GPC6: variants seen among roughly 807,000 people sequenced by gnomAD.
The protein encoded by GPC6 is glypican-6.
A neutral mutation model predicts 55.2 loss-of-function variants in GPC6; 14 were observed. The ratio of observed to expected loss-of-function variants is 0.25; its 90% CI spans 0.17 to 0.40. The LOEUF (loss-of-function observed/expected upper bound fraction) is 0.40. GPC6 is among the 10% of genes least tolerant of loss of function. The pLI is 1.00. For missense variants in GPC6, 641 were observed against 708.5 expected, an observed-to-expected ratio of 0.90 and a Z score of 1.08; for synonymous variants, 278 against 259.6, an observed-to-expected ratio of 1.07 and a Z score of -0.68.
intron 4 of GPC6, among the ~76,000 whole-genome samples, chr13:94,221,721 T>A (rs950278852): frequency 6.6e-6 from 1 of 152,100 alleles, no homozygotes; most frequent in Admixed American, 6.6e-5. Context: ...TCTCAGTTTA[T>A]CTTTCTGGAA....
chr13:93,523,710 G>A (rs1444215333), intron 1 of GPC6, among the ~76,000 whole-genome samples: 1 of 151,942 alleles, frequency 6.6e-6, no homozygotes, highest in Admixed American at 6.6e-5. Context: ...CAAAAGTCTT[G>A]ATGTTGCTTT....
chr13:94,104,724 A>G (rs1017272751), intron 4 of GPC6, among the ~76,000 whole-genome samples: 4 of 152,164 alleles, frequency 2.6e-5, no homozygotes, highest in African/African-American at 9.7e-5. Context: ...CAATTGCTTC[A>G]AAGAGAATAA....
chr13:94,219,583 A>G (rs1890322424), intron 4 of GPC6, among the ~76,000 whole-genome samples: 1 of 152,170 alleles, frequency 6.6e-6, no homozygotes, highest in Non-Finnish European at 1.5e-5. Flanking sequence ...TGCTCATTAC[A>G]GTTATGTTAT....
intron 4 of GPC6, among the ~76,000 whole-genome samples, chr13:94,190,862 ATAT>A (rs988178221): frequency 1.3e-5 from 2 of 152,176 alleles, no homozygotes; most frequent in Non-Finnish European, 2.9e-5. Context: ...ATACTCTCAA[ATAT>A]TATTCTTCAG....
At chr13:93,401,406 A>T (rs190455943) in intron 1 of GPC6, among the ~76,000 whole-genome samples, 17 of 152,126 alleles carry the variant, frequency 1.1e-4, no homozygotes, top group East Asian at 9.7e-4. Flanking sequence ...ATGTTATCCA[A>T]AGTATAATAG....
At chr13:94,014,635 A>G (rs1320043680) in intron 3 of GPC6, among the ~76,000 whole-genome samples, 1 of 152,146 alleles carries the variant, frequency 6.6e-6, no homozygotes, top group Non-Finnish European at 1.5e-5. Flanking sequence ...TTTTTGTCAC[A>G]CAAAAAGAAA....
At chr13:93,952,090 C>T (rs890234808) in intron 3 of GPC6, among the ~76,000 whole-genome samples, 1 of 152,122 alleles carries the variant, frequency 6.6e-6, no homozygotes, top group South Asian at 2.1e-4. Flanking sequence ...ATCATACCAA[C>T]ATTTTTCTAT....
chr13:93,408,633 T>G (rs957280768), intron 1 of GPC6, among the ~76,000 whole-genome samples: 4 of 152,176 alleles, frequency 2.6e-5, no homozygotes, highest in African/African-American at 9.6e-5. Flanking sequence ...AACTAAGTAA[T>G]GCATGACAAA....
At chr13:93,968,225 A>T (rs1880134679) in intron 3 of GPC6, among the ~76,000 whole-genome samples, 1 of 152,192 alleles carries the variant, frequency 6.6e-6, no homozygotes, top group African/African-American at 2.4e-5. Context: ...GGCCTTCAAG[A>T]GTGCAGGGCA....
chr13:93,891,825 CATACT>C (rs1331602652), intron 3 of GPC6, among the ~76,000 whole-genome samples: 2 of 151,752 alleles, frequency 1.3e-5, no homozygotes, highest in East Asian at 1.9e-4. Context: ...CTGTCATACA[CATACT>C]ATATGTGTGT....
At chr13:93,224,932 C>T (rs1479235222), upstream of GPC6, among the ~76,000 whole-genome samples, 1 of 152,162 alleles carries the variant, frequency 6.6e-6, no homozygotes, top group Non-Finnish European at 1.5e-5. Context: ...AATATCTTTG[C>T]CACAAATCCT....
intron 3 of GPC6, among the ~76,000 whole-genome samples, chr13:93,856,280 A>G (rs1888607347): frequency 6.6e-6 from 1 of 151,568 alleles, no homozygotes; most frequent in Non-Finnish European, 1.5e-5. Context: ...GTTAAGCAGA[A>G]TATCGTGACT....
At chr13:94,208,925 T>G (rs997368533) in intron 4 of GPC6, among the ~76,000 whole-genome samples, 3 of 151,946 alleles carry the variant, frequency 2.0e-5, no homozygotes, top group African/African-American at 7.3e-5. Flanking sequence ...AGACCCTATC[T>G]CTAAAAAAAC....
intron 2 of GPC6, among the ~76,000 whole-genome samples, chr13:93,682,480 G>A (rs1594368441): frequency 6.6e-6 from 1 of 152,092 alleles, no homozygotes; most frequent in Non-Finnish European, 1.5e-5. Context: ...GCAATCCCCA[G>A]TAGCTGGGAG....
intron 4 of GPC6, among the ~76,000 whole-genome samples, chr13:94,091,888 C>T (rs1885492875): frequency 8.5e-6 from 1 of 118,126 alleles, no homozygotes. Context: ...AACTCGAGAT[C>T]AAATTCTGTG....
intron 2 of GPC6, among the ~76,000 whole-genome samples, chr13:93,814,855 G>A (rs1406717593): frequency 3.3e-5 from 5 of 152,174 alleles, no homozygotes; most frequent in Admixed American, 2.6e-4. Flanking sequence ...AGCAGTTGGC[G>A]CTGGAAGAGG....
At chr13:94,263,497 A>G (rs917540268) in intron 4 of GPC6, among the ~76,000 whole-genome samples, 1 of 152,184 alleles carries the variant, frequency 6.6e-6, no homozygotes, top group African/African-American at 2.4e-5. Context: ...TCTGCTTTCG[A>G]TCAATTTTTC....
In GPC6 at chr13:94,175,469, AC is replaced by A. The variant is rs1292141715; in HGVS notation, c.878-110879del. On this transcript the variant is annotated intron_variant, in intron 4 of 8. Coordinates refer to ENST00000377047, the MANE Select transcript of GPC6 (RefSeq NM_005708.5). Reference sequence around the variant, plus strand: ...TATTTATCCATTTTCTTGTTGAGGAACATTTGGAGTGTTTTAGTCATTTGCT... The same window carrying A: ...TATTTATCCATTTTCTTGTTGAGGAAATTTGGAGTGTTTTAGTCATTTGCT... 1.4e-4 allele frequency among the ~76,000 whole-genome samples: 21 copies of A among 152,252 alleles called. No individual in the cohort carries two copies. In the South Asian group the frequency reaches 1.5e-3, roughly 11 times the overall value.
chr13:93,281,712 G>T (rs1877956641), intron 1 of GPC6, among the ~76,000 whole-genome samples: 1 of 152,168 alleles, frequency 6.6e-6, no homozygotes. Flanking sequence ...AGCTACTTGG[G>T]AGGCTGAGGC....
Sources: gnomAD v4.1 joint callset for allele counts (sites outside exome capture counted in the v4.1 genomes callset) on GRCh38, gnomAD v4.1.1 for gene constraint, MANE v1.5 for transcripts, NCBI Gene and HGNC (gene_info 2026-07-23, HGNC 2026-07-21) for gene names.